Variants in PCNX3 observed in about 807,000 individuals in gnomAD.
PCNX3 encodes pecanex-like protein 3.
PCNX3 carries 58 observed loss-of-function variants against 207.2 expected under a neutral mutation model. The observed-to-expected ratio is 0.28, with a 90% confidence interval of 0.23 to 0.35. The LOEUF (loss-of-function observed/expected upper bound fraction) is 0.35, where lower values mean the gene tolerates loss of function less well. Among genes scored for constraint, PCNX3 ranks in the 10% least tolerant of loss-of-function variants. PCNX3 has a pLI of 1.00. For missense variants in PCNX3, 2,410 were observed against 2,774.4 expected, an observed-to-expected ratio of 0.87 and a Z score of 2.95; for synonymous variants, 1,337 against 1,183.5, an observed-to-expected ratio of 1.13 and a Z score of -2.66.
At position 65,636,551 on chromosome 11, in the gene PCNX3, C is replaced by T. The variant is rs781299536; in HGVS notation, c.5754C>T (p.Thr1918=). The T allele has an allele frequency of 1.3e-6, 2 of 1,595,038 alleles. No individual in the cohort carries two copies. The highest frequency in any genetic ancestry group is 1.7e-4 in the Middle Eastern group (1 of 5,962). ...CTATCCCCACAGAGGGTCCCCGGAC[C>T]TCACGGCCCCCTGGCCCGGGTCTCC... ...ASPIPTEGPR[T]SRPPGPGLLS... Residue 1918 remains threonine (T), a synonymous_variant, in exon 34 of 35, where the codon ACC becomes ACT. Coordinates refer to ENST00000355703, the MANE Select transcript of PCNX3 (RefSeq NM_032223.4).
chr11:65,629,723 C>T lies in PCNX3; in HGVS notation c.4204C>T (p.Leu1402Phe). ...CCTCGTCACCTTCCAGCTGCGTGGC[C>T]TTGAGTTCCGGGGTGAGCCGCAGGA... ...NGLVTFQLRG[L>F]EFRGTYCQQR... Residue 1402 changes from leucine (L) to phenylalanine (F), a missense_variant, in exon 26 of 35, where the codon CTT becomes TTT. This residue lies in a region of PCNX3 where 420 missense variants were observed against 705.3 expected (regional missense o/e 0.60). Transcript: ENST00000355703. 2 of 1,550,718 alleles carry T rather than the reference C, an allele frequency of 1.3e-6. No homozygotes were observed. Among genetic ancestry groups the T allele is most frequent in the Non-Finnish European group, 1.7e-6 (2 of 1,147,534 alleles).
chr11:65,616,656 C>T (rs979972414), intron 1 of PCNX3, among the ~76,000 whole-genome samples, 168 bp from the exon 2 acceptor site: 3 of 152,196 alleles, frequency 2.0e-5, no homozygotes, highest in African/African-American at 7.2e-5. Context: ...TAATCTCATC[C>T]AGCTAAGCAG....
rs1399146449 is a variant in PCNX3, at chr11:65,629,602, G to A, written c.4083G>A (p.Val1361=). 6 of 1,611,968 alleles carry A rather than the reference G, an allele frequency of 3.7e-6. No homozygotes were observed. The Admixed American group carries it at 5.0e-5, about 13-fold the overall frequency. The change falls in exon 26 of 35, where the codon GTG becomes GTA. Residue 1361 remains valine, a synonymous_variant. Coordinates refer to ENST00000355703, the MANE Select transcript of PCNX3 (RefSeq NM_032223.4). ...SLQHTLCGDL[V]LGRWGNYGPG... is the part of the protein sequence containing the mutation. Reference sequence around the variant, plus strand: ...AGCACACACTGTGTGGGGACCTGGTGCTGGGCCGCTGGGGCAACTATGGCC... The same window carrying A: ...AGCACACACTGTGTGGGGACCTGGTACTGGGCCGCTGGGGCAACTATGGCC...
Position 65,630,454 on chromosome 11 carries a change from C to T in PCNX3, c.4320C>T (p.Ser1440=), listed in dbSNP as rs1189222386. Reference sequence around the variant, plus strand: ...CTGGCCACCTGCCACGGGTCCTGTCCTTCAATGCTGCCTTTGGGCAGCGCT... The same window carrying T: ...CTGGCCACCTGCCACGGGTCCTGTCTTTCAATGCTGCCTTTGGGCAGCGCT... The part of the protein sequence containing the change: ...CEPGHLPRVL[S]FNAAFGQRWL... Residue 1440 remains serine (S), a synonymous_variant, in exon 27 of 35, where the codon TCC becomes TCT. Transcript: ENST00000355703. 5 of 1,613,562 alleles carry T rather than the reference C, an allele frequency of 3.1e-6. No homozygotes were observed. The highest frequency in any genetic ancestry group is 2.7e-5 in the African/African-American group (2 of 74,940).
At position 65,625,856 on chromosome 11, in the gene PCNX3, C is replaced by T. The variant is rs376064204; in HGVS notation, c.3229-48C>T. The T allele has an allele frequency of 9.6e-5, 154 of 1,602,136 alleles. No individual in the cohort carries two copies. The African/African-American group carries it at 1.6e-3, about 17-fold the overall frequency. ...CTGTGCCAGGTGGCCCTCTGTGGTC[C>T]CTTGGCCTGCTCCCATCAGCTGAGT... On this transcript the variant is annotated intron_variant, in intron 19 of 34. Transcript: ENST00000355703. This position sits in a 1 kb window ranked among gnomAD's most constrained non-coding sequence, Gnocchi z 5.6.
chr11:65,627,306 C>T, intron 21 of PCNX3, 99 bp from the exon 22 acceptor site: 2 of 1,338,052 alleles, frequency 1.5e-6, no homozygotes, highest in Non-Finnish European at 2.0e-6. Context: ...GAGCAGAGGC[C>T]AGGGGTTGCT....
At chr11:65,623,749 G>T in intron 12 of PCNX3, 105 bp downstream of exon 12, 1 of 1,539,490 alleles carries the variant, frequency 6.5e-7, no homozygotes, top group Non-Finnish European at 8.8e-7. Flanking sequence ...TAGATAATTT[G>T]TCTAAGGTTC....
rs574666842 is a variant in PCNX3, at chr11:65,619,313, A to G, written c.1706-224A>G. ...TCCCCTGAGGACTCTCATCATCCAC[A>G]CTCATCCTCCCACCACCAGTGGGGT... On this transcript the variant is annotated intron_variant, in intron 6 of 34. Coordinates refer to ENST00000355703, the MANE Select transcript of PCNX3 (RefSeq NM_032223.4). 3.1e-3 allele frequency: 1,605 copies of G among 519,330 alleles called. 3 individuals are homozygous for G. The highest frequency in any genetic ancestry group is 3.7e-3 in the Non-Finnish European group (1,512 of 404,422). The allele number at this position is 519,330 out of a possible 1,614,324, so 32.2% of individuals were successfully genotyped here.
rs1351864980 is a variant in PCNX3, at chr11:65,626,887, C to CT, written c.3380-16dup. 1.3e-6 allele frequency: 2 copies of CT among 1,577,202 alleles called. No homozygotes were observed. Among genetic ancestry groups the CT allele is most frequent in the Non-Finnish European group, 1.7e-6 (2 of 1,161,836 alleles). On this transcript the variant is annotated splice_polypyrimidine_tract_variant and intron_variant, in intron 20 of 34. Coordinates refer to ENST00000355703, the MANE Select transcript of PCNX3 (RefSeq NM_032223.4). ...GCATGTGGAAGCCAGGTGCAGAGTC[C>CT]TGGCCTCTCCACACAGGTGCCGCCC...
At chr11:65,632,058 G>A (rs574946333) in intron 27 of PCNX3, among the ~76,000 whole-genome samples, 3 of 152,110 alleles carry the variant, frequency 2.0e-5, no homozygotes, top group South Asian at 2.1e-4. Context: ...TCCACCTTCC[G>A]GTCCCATCTT....
Position 65,630,343 on chromosome 11 carries a change from C to T in PCNX3, c.4217-8C>T, listed in dbSNP as rs1212987633. On this transcript the variant is annotated splice_region_variant and splice_polypyrimidine_tract_variant and intron_variant, in intron 26 of 34. Coordinates refer to ENST00000355703, the MANE Select transcript of PCNX3 (RefSeq NM_032223.4). ...AGCAGCCCCTGACTGCACACCCCTC[C>T]TCCACAGGCACTTACTGCCAGCAGC... The T allele has an allele frequency of 1.2e-6, 2 of 1,612,366 alleles. No homozygotes were observed. The highest frequency in any genetic ancestry group is 1.7e-5 in the Admixed American group (1 of 59,976).
At position 65,616,097 on chromosome 11, in the gene PCNX3, C is replaced by G. The variant is rs1274916331; in HGVS notation, c.-215C>G. 1 of 347,390 alleles carries G rather than the reference C, an allele frequency of 2.9e-6. No individual in the cohort carries two copies. The highest frequency in any genetic ancestry group is 2.1e-5 in the African/African-American group (1 of 46,592). 21.5% of individuals were successfully genotyped at this position (347,390 alleles called of 1,614,324 possible). A position where few individuals can be genotyped will look rare whatever the true frequency, so the allele number is the denominator to read the frequency against. On this transcript the variant is annotated 5_prime_UTR_variant, in exon 1 of 35. Coordinates refer to ENST00000355703, the MANE Select transcript of PCNX3 (RefSeq NM_032223.4). ...GGACCCCGCCCCTGATGCAGCCCCA[C>G]CCCCGCGTCCGGGCCTTGCACCACT...
rs925439534 is a variant in PCNX3 at position 65,621,217 on chromosome 11, G to A, written c.2235+251G>A. Among the ~76,000 whole-genome samples the A allele has an allele frequency of 3.3e-5, 5 of 152,156 alleles. No homozygotes were observed. In the East Asian group the frequency reaches 5.8e-4, roughly 18 times the overall value. On this transcript the variant is annotated intron_variant, in intron 10 of 34. Coordinates refer to ENST00000355703, the MANE Select transcript of PCNX3 (RefSeq NM_032223.4). ...TGGAGTACATTCCTAACTCTGGAGG[G>A]TCCCACAGTGAACAGGGGCCATGGG... is the stretch of plus-strand genomic sequence containing the variant.
chr11:65,617,333 G>A lies in PCNX3; in HGVS notation c.425G>A (p.Gly142Asp), dbSNP rs1199062269. The change falls in exon 3 of 35, where the codon GGC becomes GAC. Residue 142 changes from glycine (G) to aspartate (D), a missense_variant. Coordinates refer to ENST00000355703, the MANE Select transcript of PCNX3 (RefSeq NM_032223.4). Reference protein sequence around the residue: ...VRCSSQHSVFGFNQVSELLPR... With the variant: ...VRCSSQHSVFDFNQVSELLPR... ...TGCAGCTCCCAGCACTCTGTGTTTG[G>A]CTTCAACCAGGTCTCGGTGAGTGGG... The A allele has an allele frequency of 6.2e-6, 10 of 1,612,984 alleles. No homozygotes were observed. The highest frequency in any genetic ancestry group is 8.5e-6 in the Non-Finnish European group (10 of 1,179,590).
At position 65,637,142 on chromosome 11, in the gene PCNX3, C is replaced by T; in HGVS notation, c.*164C>T. The T allele has an allele frequency of 1.4e-6, 1 of 738,072 alleles. No homozygotes were observed. The highest frequency in any genetic ancestry group is 2.2e-6 in the Non-Finnish European group (1 of 458,170). 45.7% of individuals were successfully genotyped at this position (738,072 alleles called of 1,614,324 possible). Reference sequence around the variant, plus strand: ...AAAACTGAGTGACCCAGACCTCTGACCTTGACCCCTGATCTCTCTCATCCC... The same window carrying T: ...AAAACTGAGTGACCCAGACCTCTGATCTTGACCCCTGATCTCTCTCATCCC... On this transcript the variant is annotated 3_prime_UTR_variant, in exon 35 of 35. Coordinates refer to ENST00000355703, the MANE Select transcript of PCNX3 (RefSeq NM_032223.4).
chr11:65,630,459 ATGCTGCCTT>A lies in PCNX3; in HGVS notation c.4328_4336del (p.Ala1443_Phe1445del). ...CACCTGCCACGGGTCCTGTCCTTCA[ATGCTGCCTT>A]TGGGCAGCGCTGGCTGGCTTGGGAG... On this transcript the variant is annotated inframe_deletion, in exon 27 of 35. Transcript: ENST00000355703. The A allele has an allele frequency of 6.2e-7, 1 of 1,613,630 alleles. No homozygotes were observed. The highest frequency in any genetic ancestry group is 8.5e-7 in the Non-Finnish European group (1 of 1,179,862).
Position 65,619,626 on chromosome 11 carries a change from A to G in PCNX3, c.1795A>G (p.Thr599Ala). Residue 599 changes from threonine (T) to alanine (A), a missense_variant, in exon 7 of 35, where the codon ACC becomes GCC. Thr to Ala is a moderately conservative substitution (Grantham distance 58, BLOSUM62 0). Transcript: ENST00000355703. ...ACGCCACAATGCAGGCAGCAACCCC[A>G]CCCCTCCAGCCTCTGTCATGGGCTC... ...RRRHNAGSNP[T>A]PPASVMGSPP... 13 of 1,597,886 alleles carry G rather than the reference A, an allele frequency of 8.1e-6. No individual in the cohort carries two copies. Among genetic ancestry groups the G allele is most frequent in the Non-Finnish European group, 1.1e-5 (13 of 1,176,750 alleles).
chr11:65,624,718 C>T (rs981734352), intron 15 of PCNX3, 137 bp downstream of exon 15: 4 of 935,148 alleles, frequency 4.3e-6, no homozygotes, highest in African/African-American at 3.3e-5. Flanking sequence ...TGCCTTCTCC[C>T]CTCTCCTTCC....
chr11:65,619,796 C>T lies in PCNX3; in HGVS notation c.1872C>T (p.Ser624=), dbSNP rs753770386. 2.5e-6 allele frequency: 4 copies of T among 1,588,910 alleles called. No individual in the cohort carries two copies. Among genetic ancestry groups the T allele is most frequent in the Non-Finnish European group, 3.4e-6 (4 of 1,173,156 alleles). Residue 624 remains serine (S), a synonymous_variant, in exon 8 of 35, where the codon TCC becomes TCT. Coordinates refer to ENST00000355703, the MANE Select transcript of PCNX3 (RefSeq NM_032223.4). ...AGCGGGGCCGGGCTGCCTCCCACTC[C>T]CGGGCGCTGACGCTGCCCTCTGCGC... ...EAQRGRAASH[S]RALTLPSALH... is the part of the protein sequence containing the mutation.
Sources: gnomAD v4.1 joint callset for allele counts (sites outside exome capture counted in the v4.1 genomes callset) on GRCh38, gnomAD v4.1.1 for gene constraint, gnomAD v4.1.1 regional missense constraint, Gnocchi (gnomAD v3.1) non-coding constraint, MANE v1.5 for transcripts, NCBI Gene and HGNC (gene_info 2026-07-23, HGNC 2026-07-21) for gene names.